The following SLC24A3 variants were observed in gnomAD, a reference collection of about 807,000 sequenced individuals.
SLC24A3 encodes the protein solute carrier family 24 member 3.
A neutral mutation model predicts 75.8 loss-of-function variants in SLC24A3; 28 were observed. The ratio of observed to expected loss-of-function variants is 0.37; its 90% confidence interval spans 0.27 to 0.51. The LOEUF is 0.51. Among genes scored for constraint, SLC24A3 ranks in the 20% least tolerant of loss-of-function variants. The pLI, the probability that SLC24A3 is intolerant of heterozygous loss-of-function variation, is 0.94. For missense variants in SLC24A3, 663 were observed against 847.8 expected, an observed-to-expected ratio of 0.78 and a Z score of 2.71; for synonymous variants, 372 against 334.1, an observed-to-expected ratio of 1.11 and a Z score of -1.24.
chr20:19,489,523 A>G (rs1333079301), intron 2 of SLC24A3, among the ~76,000 whole-genome samples: 1 of 152,180 alleles, frequency 6.6e-6, no homozygotes, highest in Non-Finnish European at 1.5e-5. Context: ...CTGCAATTTG[A>G]TAAGTACTAT....
chr20:19,316,753 CAGACTTCTTTAAGT>C (rs1226152567), intron 2 of SLC24A3, among the ~76,000 whole-genome samples: 1 of 152,180 alleles, frequency 6.6e-6, no homozygotes, highest in Non-Finnish European at 1.5e-5. Context: ...GCTGAGGAGG[CAGACTTCTTTAAGT>C]GTTCCCAATT....
chr20:19,372,840 T>C (rs1018344709), intron 2 of SLC24A3, among the ~76,000 whole-genome samples: 4 of 152,038 alleles, frequency 2.6e-5, no homozygotes, highest in Non-Finnish European at 5.9e-5. Context: ...CCAGCACATT[T>C]CATCCTTCTC....
chr20:19,681,125 A>G (rs1337394315), intron 9 of SLC24A3, among the ~76,000 whole-genome samples: 1 of 152,150 alleles, frequency 6.6e-6, no homozygotes, highest in Non-Finnish European at 1.5e-5. Context: ...ACTGTAAAAA[A>G]CCATCCTCGG....
At chr20:19,593,310 T>C (rs1284324064) in intron 6 of SLC24A3, among the ~76,000 whole-genome samples, 2 of 152,156 alleles carry the variant, frequency 1.3e-5, no homozygotes, top group Non-Finnish European at 2.9e-5. Flanking sequence ...GGTCACCCCT[T>C]AGCAAAATCA....
At chr20:19,238,483 G>T (rs1191550108) in intron 1 of SLC24A3, among the ~76,000 whole-genome samples, 1 of 152,188 alleles carries the variant, frequency 6.6e-6, no homozygotes, top group Admixed American at 6.5e-5. Context: ...ACTCCAGAGT[G>T]GAATGGCAGG....
intron 2 of SLC24A3, among the ~76,000 whole-genome samples, chr20:19,447,929 C>A (rs57532654): frequency 0.038 from 5,836 of 152,300 alleles, 367 homozygotes; most frequent in African/African-American, 0.13. Flanking sequence ...TGCATACATG[C>A]GTGAATGAAT....
At position 19,257,292 on chromosome 20, in the gene SLC24A3, T is replaced by C. The variant is rs534494515; in HGVS notation, c.143-23667T>C. 2.6e-5 allele frequency among the ~76,000 whole-genome samples: 4 copies of C among 152,258 alleles called. 1 individual carries two copies. Among genetic ancestry groups the C allele is most frequent in the African/African-American group, 9.6e-5 (4 of 41,568 alleles). On this transcript the variant is annotated intron_variant, in intron 1 of 16. Coordinates refer to ENST00000328041, the MANE Select transcript of SLC24A3 (RefSeq NM_020689.4). ...CTGTGGATGGGGCTGTTTCAAAAAA[T>C]CTATAGTCTAAGCCTGAACAGCGGT...
chr20:19,602,428 A>G (rs929372278), intron 6 of SLC24A3, among the ~76,000 whole-genome samples: 11 of 152,058 alleles, frequency 7.2e-5, no homozygotes, highest in African/African-American at 2.7e-4. Flanking sequence ...TGTCCTTGCT[A>G]TAAAGATATG....
intron 3 of SLC24A3, among the ~76,000 whole-genome samples, chr20:19,574,273 A>G (rs546278533): frequency 6.6e-6 from 1 of 152,206 alleles, no homozygotes; most frequent in African/African-American, 2.4e-5. Flanking sequence ...GAATGTTTCA[A>G]GTCTGCTTCT....
chr20:19,223,759 G>A (rs994347478), intron 1 of SLC24A3, among the ~76,000 whole-genome samples: 2 of 152,192 alleles, frequency 1.3e-5, no homozygotes, highest in Non-Finnish European at 2.9e-5. Context: ...GTAAGGAGAT[G>A]AAGTCAGGTG....
chr20:19,224,518 C>T (rs1481860983), intron 1 of SLC24A3, among the ~76,000 whole-genome samples: 2 of 152,158 alleles, frequency 1.3e-5, no homozygotes, highest in Non-Finnish European at 2.9e-5. Flanking sequence ...AAAGGCCATG[C>T]ATGGCTTGTT....
intron 12 of SLC24A3, among the ~76,000 whole-genome samples, chr20:19,690,889 CT>C (rs1192472850): frequency 1.3e-5 from 2 of 152,144 alleles, no homozygotes; most frequent in African/African-American, 2.4e-5. Flanking sequence ...TGTTTGTTTG[CT>C]TTACTCTGTA....
chr20:19,416,202 G>A (rs1014956400), intron 2 of SLC24A3, among the ~76,000 whole-genome samples: 2 of 152,204 alleles, frequency 1.3e-5, no homozygotes, highest in African/African-American at 2.4e-5. Flanking sequence ...GACTACCATG[G>A]CAAATGGGGA....
intron 2 of SLC24A3, among the ~76,000 whole-genome samples, chr20:19,397,366 T>A (rs1986472231): frequency 6.6e-6 from 1 of 152,192 alleles, no homozygotes; most frequent in Non-Finnish European, 1.5e-5. Flanking sequence ...TTTTTTGAGA[T>A]GGCGTTATCT....
At chr20:19,714,954 C>T (rs2033028742) in intron 15 of SLC24A3, among the ~76,000 whole-genome samples, 1 of 152,192 alleles carries the variant, frequency 6.6e-6, no homozygotes, top group Non-Finnish European at 1.5e-5. Flanking sequence ...AAGGGTTTGA[C>T]CCTGGAGCTC....
intron 6 of SLC24A3, among the ~76,000 whole-genome samples, chr20:19,619,239 T>A (rs530620563): frequency 1.3e-5 from 2 of 152,254 alleles, no homozygotes; most frequent in African/African-American, 4.8e-5. Context: ...TCTCCTTGGT[T>A]TGCTCTCTCT....
chr20:19,414,655 C>G (rs186530676), intron 2 of SLC24A3, among the ~76,000 whole-genome samples: 2 of 152,148 alleles, frequency 1.3e-5, no homozygotes, highest in African/African-American at 4.8e-5. Flanking sequence ...TTACAAGGAA[C>G]TATTATTTTC....
intron 3 of SLC24A3, among the ~76,000 whole-genome samples, chr20:19,555,800 C>T (rs2122604659): frequency 1.3e-5 from 2 of 152,316 alleles, no homozygotes; most frequent in South Asian, 4.1e-4. Context: ...GACAAATACA[C>T]CACACCAAGG....
intron 16 of SLC24A3, among the ~76,000 whole-genome samples, chr20:19,720,263 G>A (rs1347450663): frequency 1.3e-5 from 2 of 152,204 alleles, no homozygotes; most frequent in African/African-American, 4.8e-5. Context: ...GTGAGTGGCT[G>A]AGGCCAGATG....
Sources: allele counts gnomAD v4.1 joint callset (sites outside exome capture counted in the v4.1 genomes callset), GRCh38; gene constraint gnomAD v4.1.1; transcripts MANE v1.5; gene names NCBI Gene and HGNC (gene_info 2026-07-23, HGNC 2026-07-21).